The following SLC2A9 variants were observed in gnomAD, a reference collection of about 807,000 sequenced individuals.
SLC2A9 encodes solute carrier family 2 member 9, also known as solute carrier family 2, facilitated glucose transporter member 9.
Under a neutral mutation model 50.6 loss-of-function variants are expected in SLC2A9, and 39 were observed. The ratio of observed to expected loss-of-function variants is 0.77; its 90% CI spans 0.60 to 1.01. The LOEUF is 1.01. Among genes scored for constraint, SLC2A9 ranks in the 50% least tolerant of loss-of-function variants. The pLI is 0.00. For synonymous variants in SLC2A9, 324 were observed against 276.9 expected (o/e 1.17, Z -1.69); for missense variants, 686 against 677.6 (o/e 1.01, Z -0.14).
intron 7 of SLC2A9, among the ~76,000 whole-genome samples, chr4:9,915,461 C>G (rs577621516): frequency 6.6e-6 from 1 of 152,292 alleles, no homozygotes; most frequent in Non-Finnish European, 1.5e-5. Flanking sequence ...ATCTTGAACT[C>G]CCGACCTCAA....
chr4:9,867,693 C>A (rs1411751447), intron 10 of SLC2A9, among the ~76,000 whole-genome samples: 2 of 152,214 alleles, frequency 1.3e-5, no homozygotes, highest in Non-Finnish European at 2.9e-5. Flanking sequence ...ACTCACACTA[C>A]CCCCTGAGAG....
intron 6 of SLC2A9, among the ~76,000 whole-genome samples, chr4:9,928,426 C>A (rs1440152361): frequency 1.3e-5 from 2 of 152,166 alleles, no homozygotes; most frequent in Non-Finnish European, 2.9e-5. Flanking sequence ...ATACACAGAT[C>A]ACCAATAAAA....
chr4:9,889,457 T>C (rs1471465053), intron 9 of SLC2A9, among the ~76,000 whole-genome samples: 1 of 152,152 alleles, frequency 6.6e-6, no homozygotes, highest in Non-Finnish European at 1.5e-5. Context: ...CTAACTGGCT[T>C]CCTGAGAACT....
At chr4:9,841,423 T>C (rs923701695) in intron 10 of SLC2A9, among the ~76,000 whole-genome samples, 1 of 152,200 alleles carries the variant, frequency 6.6e-6, no homozygotes, top group African/African-American at 2.4e-5. Context: ...AGGTTGGCTC[T>C]TTCCCTGTGC....
At chr4:9,973,061 AAAAG>A (rs1039320296) in intron 5 of SLC2A9, among the ~76,000 whole-genome samples, 11 of 152,210 alleles carry the variant, frequency 7.2e-5, no homozygotes, top group Admixed American at 1.3e-4. Flanking sequence ...GCTAGATTAA[AAAAG>A]AAAGAGAGAC....
chr4:9,854,697 G>A (rs1292452994), intron 10 of SLC2A9, among the ~76,000 whole-genome samples: 1 of 152,118 alleles, frequency 6.6e-6, no homozygotes, highest in Non-Finnish European at 1.5e-5. Flanking sequence ...GATGAATATA[G>A]ATGCAAAAAT....
intron 8 of SLC2A9, among the ~76,000 whole-genome samples, chr4:9,893,541 G>A (rs1003800481): frequency 6.6e-6 from 1 of 151,528 alleles, no homozygotes; most frequent in African/African-American, 2.4e-5. Context: ...AGAGATAGGG[G>A]GAGGCAGAGA....
chr4:9,942,133 G>A lies in SLC2A9; in HGVS notation c.682-88C>T, dbSNP rs538711646. 3.3e-6 allele frequency: 5 copies of A among 1,522,616 alleles called. No individual in the cohort carries two copies. The Admixed American group carries it at 5.1e-5, about 15-fold the overall frequency. The allele number at this position is 1,522,616 out of a possible 1,614,324, so 94.3% of individuals were successfully genotyped here. ...CACTGGACCAGGTGGTTTCGACCCT[G>A]CAGAAGGTCTTCCTGCCCAGCATGA... is the stretch of plus-strand genomic sequence containing the variant. On this transcript the variant is annotated intron_variant, in intron 5 of 11. Coordinates refer to ENST00000264784, the MANE Select transcript of SLC2A9 (RefSeq NM_020041.3).
chr4:10,016,949 T>C (rs1762709514), intron 2 of SLC2A9, among the ~76,000 whole-genome samples: 1 of 152,110 alleles, frequency 6.6e-6, no homozygotes, highest in Non-Finnish European at 1.5e-5. Context: ...CAGCTCTGCA[T>C]TCCCCCTAGG....
At chr4:9,977,822 A>G (rs954776067) in intron 5 of SLC2A9, among the ~76,000 whole-genome samples, 2 of 152,080 alleles carry the variant, frequency 1.3e-5, no homozygotes, top group African/African-American at 4.8e-5. Flanking sequence ...GTGACCTCCG[A>G]AGGGCAGGGC....
intron 5 of SLC2A9, among the ~76,000 whole-genome samples, chr4:9,958,339 G>T (rs1751660855): frequency 1.3e-5 from 2 of 152,160 alleles, no homozygotes; most frequent in South Asian, 4.1e-4. Flanking sequence ...CATGTACTTT[G>T]CAGGGACATG....
intron 10 of SLC2A9, among the ~76,000 whole-genome samples, chr4:9,884,354 T>C (rs1362113732): frequency 2.0e-5 from 3 of 152,184 alleles, no homozygotes; most frequent in Non-Finnish European, 4.4e-5. Flanking sequence ...CATTGTAACC[T>C]AAAAATTCTG....
chr4:9,946,535 G>A (rs1446442026), intron 5 of SLC2A9, among the ~76,000 whole-genome samples: 1 of 152,226 alleles, frequency 6.6e-6, no homozygotes, highest in Non-Finnish European at 1.5e-5. Flanking sequence ...TCCAGAAGTG[G>A]CCATTGCTCC....
At chr4:9,845,215 G>A (rs1439500890) in intron 10 of SLC2A9, among the ~76,000 whole-genome samples, 1 of 151,816 alleles carries the variant, frequency 6.6e-6, no homozygotes, top group Non-Finnish European at 1.5e-5. Flanking sequence ...GGGTTTCACC[G>A]TGTTAGCCAG....
chr4:9,862,761 G>T (rs1731854086), intron 10 of SLC2A9, among the ~76,000 whole-genome samples: 1 of 151,812 alleles, frequency 6.6e-6, no homozygotes, highest in Non-Finnish European at 1.5e-5. Context: ...CATCACCCTA[G>T]CCCCTTACCC....
chr4:9,960,958 T>G (rs143618812), intron 5 of SLC2A9, among the ~76,000 whole-genome samples: 11 of 152,316 alleles, frequency 7.2e-5, no homozygotes, highest in South Asian at 4.1e-4. Context: ...ATGGCTCCCA[T>G]TTGCAGAAAC....
At position 9,890,317 on chromosome 4, in the gene SLC2A9, T is replaced by C. The variant is rs113006138; in HGVS notation, c.1215+293A>G. On this transcript the variant is annotated intron_variant, in intron 9 of 11. Coordinates refer to ENST00000264784, the MANE Select transcript of SLC2A9 (RefSeq NM_020041.3). Reference sequence around the variant, plus strand: ...AGTGCAAGCTCTTCTATTCCATAGATGGGTGAACTGAGGCTCAGAGATGGA... The same window carrying C: ...AGTGCAAGCTCTTCTATTCCATAGACGGGTGAACTGAGGCTCAGAGATGGA... 4.1e-3 allele frequency among the ~76,000 whole-genome samples: 625 copies of C among 152,236 alleles called. 9 individuals carry two copies. Among genetic ancestry groups the C allele is most frequent in the Non-Finnish European group, 4.3e-3 (291 of 68,014 alleles).
At chr4:9,994,564 C>CTTTTTTTTTTTTTTTTTTT (rs35574155) in intron 3 of SLC2A9, among the ~76,000 whole-genome samples, 1 of 131,826 alleles carries the variant, frequency 7.6e-6, no homozygotes. Flanking sequence ...TTTCCTTTTC[C>CTTTTTTTTTTTTTTTTTTT]TTTTTTTTTT....
chr4:9,855,030 T>C (rs554830423), intron 10 of SLC2A9, among the ~76,000 whole-genome samples: 7 of 151,948 alleles, frequency 4.6e-5, no homozygotes, highest in Non-Finnish European at 1.0e-4. Flanking sequence ...GCTGGAAACA[T>C]CCCCCTTGAG....
Sources: gnomAD v4.1 joint callset for allele counts (sites outside exome capture counted in the v4.1 genomes callset) on GRCh38, gnomAD v4.1.1 for gene constraint, MANE v1.5 for transcripts, NCBI Gene and HGNC (gene_info 2026-07-23, HGNC 2026-07-21) for gene names.